Variants in CNTNAP2 observed in about 807,000 individuals in gnomAD.
CNTNAP2 encodes contactin associated protein 2.
In CNTNAP2, 98 loss-of-function variants were observed where a neutral mutation model predicts 155.2. The ratio of observed to expected loss-of-function variants is 0.63; its 90% CI spans 0.54 to 0.75. The LOEUF (loss-of-function observed/expected upper bound fraction) is 0.75. Ranked by LOEUF, CNTNAP2 falls within the 30% of genes least tolerant of loss-of-function variation. The pLI, the probability that CNTNAP2 is intolerant of heterozygous loss-of-function variation, is 0.00. For synonymous variants in CNTNAP2, 651 were observed against 631.2 expected, an observed-to-expected ratio of 1.03 and a Z score of -0.47; for missense variants, 1,727 against 1,688.1, an observed-to-expected ratio of 1.02 and a Z score of -0.40.
At chr7:147,917,080 A>G (rs967260874) in intron 14 of CNTNAP2, among the ~76,000 whole-genome samples, 2 of 152,216 alleles carry the variant, frequency 1.3e-5, no homozygotes, top group South Asian at 2.1e-4. Context: ...TATTGCAACA[A>G]TCTTCCAAAA....
chr7:147,547,960 A>G (rs1329415677), intron 11 of CNTNAP2, among the ~76,000 whole-genome samples: 1 of 152,172 alleles, frequency 6.6e-6, no homozygotes. Flanking sequence ...ATGGCTGTGT[A>G]GTATTCCATG....
intron 13 of CNTNAP2, among the ~76,000 whole-genome samples, chr7:147,666,755 T>C (rs80303906): frequency 0.04 from 6,146 of 152,282 alleles, 137 homozygotes; most frequent in Middle Eastern, 0.13. Flanking sequence ...AGAGGCCCTG[T>C]CCTGTGATTG....
At chr7:148,040,966 A>G (rs1445935793) in intron 15 of CNTNAP2, among the ~76,000 whole-genome samples, 1 of 152,222 alleles carries the variant, frequency 6.6e-6, no homozygotes, top group Non-Finnish European at 1.5e-5. Flanking sequence ...AGAAAATTGT[A>G]CATCGTATAC....
At chr7:147,267,519 C>T (rs1804639936) in intron 8 of CNTNAP2, among the ~76,000 whole-genome samples, 1 of 151,350 alleles carries the variant, frequency 6.6e-6, no homozygotes, top group Non-Finnish European at 1.5e-5. Context: ...TTTACCCTCA[C>T]TATTAAGCTT....
intron 20 of CNTNAP2, among the ~76,000 whole-genome samples, chr7:148,265,513 G>T (rs1333148080): frequency 1.3e-5 from 2 of 152,152 alleles, no homozygotes; most frequent in African/African-American, 4.8e-5. Flanking sequence ...GGACTCGAGA[G>T]ATCCACAAGC....
At chr7:146,876,525 A>G (rs1238655539) in intron 3 of CNTNAP2, among the ~76,000 whole-genome samples, 1 of 152,204 alleles carries the variant, frequency 6.6e-6, no homozygotes, top group East Asian at 1.9e-4. Context: ...GAATACTGCC[A>G]GGAATATTGT....
At chr7:147,867,680 C>G (rs1799257696) in intron 13 of CNTNAP2, among the ~76,000 whole-genome samples, 1 of 152,110 alleles carries the variant, frequency 6.6e-6, no homozygotes, top group African/African-American at 2.4e-5. Flanking sequence ...CTTGTCATCT[C>G]ACTTTATTTC....
intron 16 of CNTNAP2, among the ~76,000 whole-genome samples, chr7:148,126,620 G>A (rs1804721425): frequency 6.6e-6 from 1 of 152,198 alleles, no homozygotes; most frequent in South Asian, 2.1e-4. Flanking sequence ...GGAGGCCAGA[G>A]TAGTGTTGGT....
At position 146,947,408 on chromosome 7, in the gene CNTNAP2, CTCTA is replaced by C. The variant is rs1324253347; in HGVS notation, c.403-96497_403-96494del. 4.7e-3 allele frequency among the ~76,000 whole-genome samples: 582 copies of C among 123,410 alleles called. 2 individuals carry two copies. Among genetic ancestry groups the C allele is most frequent in the East Asian group, 0.016 (76 of 4,748 alleles). The allele number at this position is 123,410 out of a possible 152,430, so 81.0% of individuals were successfully genotyped here. On this transcript the variant is annotated intron_variant, in intron 3 of 23. Coordinates refer to ENST00000361727, the MANE Select transcript of CNTNAP2 (RefSeq NM_014141.6). ...TTTCTCTCTCTCTCTCTCTCTCTCT[CTCTA>C]TATATATATATATATATACATACAC... is the stretch of plus-strand genomic sequence containing the variant.
At chr7:146,603,813 G>A (rs347187) in intron 1 of CNTNAP2, among the ~76,000 whole-genome samples, 8,170 of 149,302 alleles carry the variant, frequency 0.055, 432 homozygotes, top group African/African-American at 0.12. Flanking sequence ...AGAAAAACAA[G>A]CAATGGGGAA....
intron 1 of CNTNAP2, among the ~76,000 whole-genome samples, chr7:146,528,467 A>G (rs189319599): frequency 6.6e-6 from 1 of 152,364 alleles, no homozygotes; most frequent in African/African-American, 2.4e-5. Flanking sequence ...TTATAGGCTC[A>G]GAAGTTACCA....
intron 13 of CNTNAP2, among the ~76,000 whole-genome samples, chr7:147,735,060 C>A (rs1418791266): frequency 6.6e-6 from 1 of 151,558 alleles, no homozygotes; most frequent in Non-Finnish European, 1.5e-5. Context: ...TTGCCTTCTG[C>A]TAGCTTTTGA....
chr7:147,752,855 A>G (rs1023938263), intron 13 of CNTNAP2, among the ~76,000 whole-genome samples: 2 of 152,212 alleles, frequency 1.3e-5, no homozygotes, highest in African/African-American at 2.4e-5. Context: ...TTTTTGTGTC[A>G]TGGAAAACAG....
chr7:148,055,159 T>C (rs1338527227), intron 15 of CNTNAP2, among the ~76,000 whole-genome samples: 4 of 152,112 alleles, frequency 2.6e-5, no homozygotes, highest in Admixed American at 2.6e-4. Context: ...GCTGGGATTA[T>C]AGGTGTGAGC....
At chr7:147,224,591 GA>G (rs1168861581) in intron 8 of CNTNAP2, among the ~76,000 whole-genome samples, 1 of 152,042 alleles carries the variant, frequency 6.6e-6, no homozygotes, top group Admixed American at 6.6e-5. Context: ...AAGTAAAGCA[GA>G]ATATTATTAA....
At chr7:146,273,076 G>A (rs1405695432) in intron 1 of CNTNAP2, among the ~76,000 whole-genome samples, 1 of 139,002 alleles carries the variant, frequency 7.2e-6, no homozygotes, top group African/African-American at 3.4e-5. Context: ...GGAAGGGTGA[G>A]AGAAAGAGAA....
chr7:147,934,906 A>G (rs1206032754), intron 14 of CNTNAP2, among the ~76,000 whole-genome samples: 1 of 152,234 alleles, frequency 6.6e-6, no homozygotes, highest in African/African-American at 2.4e-5. Flanking sequence ...CCAGTCTATT[A>G]CAGTTTATTT....
At chr7:147,268,987 C>T (rs1584832586) in intron 8 of CNTNAP2, among the ~76,000 whole-genome samples, 3 of 152,140 alleles carry the variant, frequency 2.0e-5, no homozygotes, top group Non-Finnish European at 4.4e-5. Context: ...TATTTGGAGC[C>T]TTGGATGCTC....
chr7:146,665,228 C>T (rs1800169680), intron 1 of CNTNAP2, among the ~76,000 whole-genome samples: 1 of 152,114 alleles, frequency 6.6e-6, no homozygotes, highest in African/African-American at 2.4e-5. Context: ...GGATTACAGG[C>T]GTGAGCCACC....
Sources: gnomAD v4.1 joint callset for allele counts (sites outside exome capture counted in the v4.1 genomes callset) on GRCh38, gnomAD v4.1.1 for gene constraint, MANE v1.5 for transcripts, NCBI Gene and HGNC (gene_info 2026-07-23, HGNC 2026-07-21) for gene names.